The following RBFOX1 variants were observed in gnomAD, a reference collection of about 807,000 sequenced individuals.
RBFOX1 encodes the protein RNA binding protein fox-1 homolog 1.
Under a neutral mutation model 57.7 loss-of-function variants are expected in RBFOX1, and 8 were observed. The observed-to-expected ratio is 0.14, with a 90% CI of 0.08 to 0.25. The LOEUF is 0.25. Among genes scored for constraint, RBFOX1 ranks in the 10% least tolerant of loss-of-function variants. The pLI is 1.00. For synonymous variants in RBFOX1, 326 were observed against 222.4 expected, an observed-to-expected ratio of 1.47 and a Z score of -4.15; for missense variants, 611 against 548.5, an observed-to-expected ratio of 1.11 and a Z score of -1.14.
intron 3 of RBFOX1, among the ~76,000 whole-genome samples, chr16:6,984,352 T>C (rs773074600): frequency 2.0e-5 from 3 of 152,168 alleles, no homozygotes; most frequent in Non-Finnish European, 4.4e-5. Context: ...CAATGTCACC[T>C]GGGATATGCA....
intron 3 of RBFOX1, among the ~76,000 whole-genome samples, chr16:6,983,147 C>T (rs1166937782): frequency 6.6e-6 from 1 of 152,056 alleles, no homozygotes; most frequent in South Asian, 2.1e-4. Flanking sequence ...CCATTGACAG[C>T]TTCCTAGCAG....
chr16:6,296,228 G>C (rs2078086760), intron 1 of RBFOX1, among the ~76,000 whole-genome samples: 1 of 152,108 alleles, frequency 6.6e-6, no homozygotes, highest in African/African-American at 2.4e-5. Flanking sequence ...TTATGACCTT[G>C]GTGCCAAGTT....
intron 3 of RBFOX1, among the ~76,000 whole-genome samples, chr16:6,776,187 A>G (rs1388833765): frequency 6.6e-6 from 1 of 152,066 alleles, no homozygotes; most frequent in Non-Finnish European, 1.5e-5. Context: ...CAGTGCAGAC[A>G]GATCACTAGG....
Position 5,345,639 on chromosome 16 carries a change from G to T in RBFOX1, c.219+105534G>T, listed in dbSNP as rs529526928. 1.1e-4 allele frequency among the ~76,000 whole-genome samples: 17 copies of T among 152,270 alleles called. No individual in the cohort carries two copies. The South Asian group carries it at 3.5e-3, about 32-fold the overall frequency. On this transcript the variant is annotated intron_variant, in intron 1 of 2. Coordinates refer to the RBFOX1 transcript ENST00000585867. Reference sequence around the variant, plus strand: ...AGTCTGCATTTGGCCGTGCTCGTTGGGCTTCTTAAACACCCAGGAGCCACT... The same window carrying T: ...AGTCTGCATTTGGCCGTGCTCGTTGTGCTTCTTAAACACCCAGGAGCCACT...
chr16:6,415,479 G>C (rs949267770), intron 2 of RBFOX1, among the ~76,000 whole-genome samples: 1 of 151,334 alleles, frequency 6.6e-6, no homozygotes, highest in African/African-American at 2.4e-5. Context: ...GAGGAGGGCG[G>C]ATCACGAGGT....
intron 2 of RBFOX1, among the ~76,000 whole-genome samples, chr16:5,493,349 C>G (rs2042896340): frequency 6.6e-6 from 1 of 152,166 alleles, no homozygotes; most frequent in Non-Finnish European, 1.5e-5. Flanking sequence ...TATGACCCAC[C>G]ATGCTTGTCT....
intron 2 of RBFOX1, among the ~76,000 whole-genome samples, chr16:6,478,663 T>C (rs1022694658): frequency 2.6e-5 from 4 of 151,530 alleles, no homozygotes; most frequent in Non-Finnish European, 5.9e-5. Context: ...TTAGAGGCTA[T>C]TGTAAGGTTA....
chr16:5,359,192 C>T (rs1381192453), intron 1 of RBFOX1, among the ~76,000 whole-genome samples: 2 of 152,198 alleles, frequency 1.3e-5, no homozygotes, highest in East Asian at 3.8e-4. Flanking sequence ...ATAAGTACCA[C>T]ATTTTCTTTA....
intron 3 of RBFOX1, among the ~76,000 whole-genome samples, chr16:5,783,623 C>T (rs2054398630): frequency 6.6e-6 from 1 of 152,136 alleles, no homozygotes; most frequent in South Asian, 2.1e-4. Flanking sequence ...CTTTACACAC[C>T]ATTTCCCCTG....
At chr16:7,374,638 C>T (rs566329015) in intron 4 of RBFOX1, among the ~76,000 whole-genome samples, 3 of 152,064 alleles carry the variant, frequency 2.0e-5, no homozygotes, top group African/African-American at 7.2e-5. Flanking sequence ...AAACTAAAAA[C>T]AAAAAAATTA....
chr16:5,256,075 G>C lies in RBFOX1; in HGVS notation c.219+15970G>C, dbSNP rs111763794. Among the ~76,000 whole-genome samples, 320 of 152,258 alleles carry C rather than the reference G, an allele frequency of 2.1e-3. 2 individuals are homozygous for C. Among genetic ancestry groups the C allele is most frequent in the African/African-American group, 7.4e-3 (306 of 41,548 alleles). Reference sequence around the variant, plus strand: ...CAGATAACGTGGAGAACATACGAAAGACACATATTTGAACCAGTAGTGACA... The same window carrying C: ...CAGATAACGTGGAGAACATACGAAACACACATATTTGAACCAGTAGTGACA... On this transcript the variant is annotated intron_variant, in intron 1 of 2. Transcript: ENST00000585867.
At chr16:5,289,288 A>C (rs2063477353) in intron 1 of RBFOX1, 2 of 423,942 alleles carry the variant, frequency 4.7e-6, no homozygotes, top group African/African-American at 4.0e-5. Context: ...CATCATGGGC[A>C]TGTGGCCTCC....
At chr16:6,807,314 A>G (rs1011759086) in intron 3 of RBFOX1, among the ~76,000 whole-genome samples, 5 of 152,064 alleles carry the variant, frequency 3.3e-5, no homozygotes, top group African/African-American at 1.2e-4. Flanking sequence ...AGGGCATACA[A>G]TGAAGAGAAC....
intron 2 of RBFOX1, among the ~76,000 whole-genome samples, chr16:6,355,361 A>G (rs1048421404): frequency 6.7e-6 from 1 of 148,782 alleles, no homozygotes; most frequent in Admixed American, 6.8e-5. Context: ...TTCAACTCCC[A>G]CTTATGAGTG....
At chr16:7,521,299 T>A (rs914077032) in intron 5 of RBFOX1, among the ~76,000 whole-genome samples, 4 of 152,194 alleles carry the variant, frequency 2.6e-5, no homozygotes, top group African/African-American at 7.2e-5. Context: ...CCGGGAGGAA[T>A]TAGCAGGGAT....
chr16:7,661,323 G>C (rs1188585867), intron 12 of RBFOX1, among the ~76,000 whole-genome samples: 1 of 152,038 alleles, frequency 6.6e-6, no homozygotes, highest in Admixed American at 6.5e-5. Flanking sequence ...TTTTTGCTGT[G>C]AAGCCACCAT....
chr16:6,016,060 G>T (rs148054005), upstream of RBFOX1, among the ~76,000 whole-genome samples: 373 of 152,322 alleles, frequency 2.4e-3, 1 homozygote, highest in African/African-American at 7.3e-3. Context: ...GCAATCTACT[G>T]CAGGAAAGAA....
At chr16:6,621,604 G>A (rs1182879107) in intron 2 of RBFOX1, among the ~76,000 whole-genome samples, 1 of 152,148 alleles carries the variant, frequency 6.6e-6, no homozygotes, top group Non-Finnish European at 1.5e-5. Context: ...AGGTACCAGG[G>A]ACTAGGAAGT....
At position 5,978,740 on chromosome 16, in the gene RBFOX1, C is replaced by T. The variant is rs542917567; in HGVS notation, c.351+111405C>T. Among the ~76,000 whole-genome samples the T allele has an allele frequency of 5.3e-5, 8 of 151,094 alleles. No individual in the cohort carries two copies. The South Asian group carries it at 8.4e-4, about 16-fold the overall frequency. On this transcript the variant is annotated intron_variant, in intron 4 of 19. Transcript: ENST00000641259. ...ACAGTGTTGAGGGGTACCAGTCCGG[C>T]GTCCTGTACATCCAGTCTGGGTTTG...
Sources: gnomAD v4.1 joint callset for allele counts (sites outside exome capture counted in the v4.1 genomes callset) on GRCh38, gnomAD v4.1.1 for gene constraint, MANE v1.5 for transcripts, NCBI Gene and HGNC (gene_info 2026-07-23, HGNC 2026-07-21) for gene names.